Variants in GAL3ST2 observed in about 807,000 individuals in gnomAD.
GAL3ST2 encodes galactose-3-O-sulfotransferase 2, also known as beta-galactose-3-O-sulfotransferase 2.
Under a neutral mutation model 12.9 loss-of-function variants are expected in GAL3ST2, and 16 were observed. The ratio of observed to expected loss-of-function variants is 1.24; its 90% CI spans 0.84 to 1.88. GAL3ST2 has a LOEUF of 1.88. Ranked by LOEUF, GAL3ST2 falls within the 40% of genes most tolerant of loss-of-function variation. The pLI, the probability that GAL3ST2 is intolerant of heterozygous loss-of-function variation, is 0.00. For missense variants in GAL3ST2, 639 were observed against 571.8 expected (o/e 1.12, Z -1.20); for synonymous variants, 302 against 273.9 (o/e 1.10, Z -1.01).
rs1414114113 is a variant in GAL3ST2, at chr2:241,802,057, A to T, written c.375+21A>T. 1 of 1,589,636 alleles carries T rather than the reference A, an allele frequency of 6.3e-7. No homozygotes were observed. The highest frequency in any genetic ancestry group is 1.1e-5 in the South Asian group (1 of 88,594). On this transcript the variant is annotated intron_variant, in intron 3 of 3. Transcript: ENST00000192314. The surrounding 1 kb of genome is among the most constrained non-coding windows in gnomAD (Gnocchi z 4.8). The stretch of plus-strand genomic sequence containing the variant: ...CTCAGGTACCGCGGGCCTGCTGGGG[A>T]GGAGGGCGGGCTGCAGCCGTGCCTG...
intron 1 of GAL3ST2, among the ~76,000 whole-genome samples, chr2:241,796,702 G>A (rs1443389573): frequency 6.6e-6 from 1 of 152,232 alleles, no homozygotes. Context: ...CACAGAGCAG[G>A]GCCATCGGCT....
At position 241,802,969 on chromosome 2, in the gene GAL3ST2, G is replaced by A. The variant is rs541429462; in HGVS notation, c.376-376G>A. Among the ~76,000 whole-genome samples, 5 of 152,046 alleles carry A rather than the reference G, an allele frequency of 3.3e-5. No individual in the cohort carries two copies. Among genetic ancestry groups the A allele is most frequent in the African/African-American group, 1.2e-4 (5 of 41,488 alleles). On this transcript the variant is annotated intron_variant, in intron 3 of 3. Coordinates refer to ENST00000192314, the MANE Select transcript of GAL3ST2 (RefSeq NM_022134.3). The surrounding 1 kb of genome is among the most constrained non-coding windows in gnomAD (Gnocchi z 4.8). ...AAGCCCCCTGTGCCAGGGGCCCGTGGAGGGCCCTTCGTGCTGTCTGTGCGC... is the reference window on the plus strand; with the variant it reads ...AAGCCCCCTGTGCCAGGGGCCCGTGAAGGGCCCTTCGTGCTGTCTGTGCGC...
chr2:241,777,652 T>G (rs1699504338), intron 1 of GAL3ST2, among the ~76,000 whole-genome samples: 1 of 152,178 alleles, frequency 6.6e-6, no homozygotes, highest in South Asian at 2.1e-4. Flanking sequence ...CGCCATGAAT[T>G]CAGTTACCTT....
In GAL3ST2 at chr2:241,801,718, C is replaced by A. The variant is rs1436591724; in HGVS notation, c.120-63C>A. On this transcript the variant is annotated intron_variant, in intron 2 of 3. Coordinates refer to ENST00000192314, the MANE Select transcript of GAL3ST2 (RefSeq NM_022134.3). The surrounding 1 kb of genome is among the most constrained non-coding windows in gnomAD (Gnocchi z 4.4). ...CTTGCGGTTGCCGGGCTGGGGGTCG[C>A]TGTTGGGCGGGGGTTGGGGCATCTG... is the stretch of plus-strand genomic sequence containing the variant. The A allele has an allele frequency of 1.9e-6, 3 of 1,557,246 alleles. No homozygotes were observed. In the Admixed American group the frequency reaches 5.3e-5, roughly 27 times the overall value.
chr2:241,777,206 T>C (rs1350539884), intron 1 of GAL3ST2, among the ~76,000 whole-genome samples: 3 of 152,142 alleles, frequency 2.0e-5, no homozygotes, highest in African/African-American at 7.2e-5. Flanking sequence ...GTTTGGGGGT[T>C]CTGGGATGTG....
Position 241,803,902 on chromosome 2 carries a change from C to T in GAL3ST2, c.933C>T (p.Arg311=). The T allele has an allele frequency of 7.1e-7, 1 of 1,413,878 alleles. No individual in the cohort carries two copies. The highest frequency in any genetic ancestry group is 9.2e-7 in the Non-Finnish European group (1 of 1,091,756). The allele number at this position is 1,413,878 out of a possible 1,614,324, so 87.6% of individuals were successfully genotyped here. A position where few individuals can be genotyped will look rare whatever the true frequency, so the allele number is the denominator to read the frequency against. ...TGCGCGGGGAGGTGGAGCGGCTGCG[C>T]GCCCGGAGGCGCGAACTCGCGAGCC... ...RRLRGEVERL[R]ARRRELASLC... is the part of the protein sequence containing the mutation. The change falls in exon 4 of 4, where the codon CGC becomes CGT. Residue 311 remains arginine, a synonymous_variant. Transcript: ENST00000192314.
chr2:241,779,302 C>T (rs1421961910), intron 1 of GAL3ST2, among the ~76,000 whole-genome samples: 4 of 133,538 alleles, frequency 3.0e-5, no homozygotes, highest in African/African-American at 5.6e-5. Context: ...GGAGCGATCT[C>T]GGCTCACTGC....
intron 1 of GAL3ST2, among the ~76,000 whole-genome samples, chr2:241,788,502 G>T (rs189468180): frequency 5.2e-4 from 79 of 151,158 alleles, no homozygotes; most frequent in African/African-American, 1.4e-3. Context: ...ATCTCAGTTT[G>T]GTTTGTCTGT....
intron 1 of GAL3ST2, among the ~76,000 whole-genome samples, chr2:241,794,441 C>T (rs1170163415): frequency 6.6e-6 from 1 of 152,222 alleles, no homozygotes; most frequent in Non-Finnish European, 1.5e-5. Flanking sequence ...GCCTCCCAGG[C>T]CTCTCTTCTC....
At position 241,795,532 on chromosome 2, in the gene GAL3ST2, G is replaced by T. The variant is rs1001685220; in HGVS notation, c.30-3533G>T. On this transcript the variant is annotated intron_variant, in intron 1 of 3. Transcript: ENST00000192314. The surrounding 1 kb of genome is among the most constrained non-coding windows in gnomAD (Gnocchi z 4.5). ...TATGGCGGAACGAAGTGATGGCCAA[G>T]GGTGGTGGCTGAGAAACCCTGCTGG... Among the ~76,000 whole-genome samples the T allele has an allele frequency of 3.3e-5, 5 of 152,230 alleles. No individual in the cohort carries two copies. Among genetic ancestry groups the T allele is most frequent in the Non-Finnish European group, 5.9e-5 (4 of 68,052 alleles).
intron 1 of GAL3ST2, among the ~76,000 whole-genome samples, chr2:241,794,105 C>T (rs987848283): frequency 6.6e-6 from 1 of 151,986 alleles, no homozygotes; most frequent in Non-Finnish European, 1.5e-5. Context: ...AGCCATCACA[C>T]CTGGCTAATT....
At position 241,787,056 on chromosome 2, in the gene GAL3ST2, A is replaced by G. The variant is rs190609097; in HGVS notation, c.29+10072A>G. 4.2e-3 allele frequency among the ~76,000 whole-genome samples: 634 copies of G among 152,248 alleles called. 5 individuals are homozygous for G. Among genetic ancestry groups the G allele is most frequent in the African/African-American group, 0.015 (608 of 41,544 alleles). On this transcript the variant is annotated intron_variant, in intron 1 of 3. Coordinates refer to ENST00000192314, the MANE Select transcript of GAL3ST2 (RefSeq NM_022134.3). Reference sequence around the variant, plus strand: ...GTAATCAGAAACTCAAAAGAATGCAACTGTTTGTCTCTTATCTACCTATGA... The same window carrying G: ...GTAATCAGAAACTCAAAAGAATGCAGCTGTTTGTCTCTTATCTACCTATGA...
intron 3 of GAL3ST2, 73 bp from the exon 4 acceptor site, chr2:241,803,272 C>G: frequency 1.6e-6 from 2 of 1,268,162 alleles, no homozygotes; most frequent in African/African-American, 1.5e-5. Context: ...GGCCAGGGCG[C>G]GCCTCCTCCC....
intron 1 of GAL3ST2, among the ~76,000 whole-genome samples, chr2:241,779,926 C>T (rs1699546318): frequency 6.6e-6 from 1 of 151,168 alleles, no homozygotes. Flanking sequence ...GCGGAGGTTG[C>T]GGTGAGCCGA....
intron 1 of GAL3ST2, among the ~76,000 whole-genome samples, chr2:241,783,894 A>G (rs1273356539): frequency 6.6e-6 from 1 of 152,246 alleles, no homozygotes; most frequent in African/African-American, 2.4e-5. Flanking sequence ...TTTTGAAACA[A>G]AAATGATAAG....
At chr2:241,791,476 T>G (rs908672727) in intron 1 of GAL3ST2, among the ~76,000 whole-genome samples, 1 of 152,154 alleles carries the variant, frequency 6.6e-6, no homozygotes, top group African/African-American at 2.4e-5. Flanking sequence ...CTCATACCTT[T>G]GTCTACAGAG....
chr2:241,788,731 C>A (rs763072826), intron 1 of GAL3ST2, among the ~76,000 whole-genome samples: 21 of 152,128 alleles, frequency 1.4e-4, no homozygotes, highest in Admixed American at 1.4e-3. Flanking sequence ...AAAAATAGTT[C>A]ATCCAGGAAA....
chr2:241,803,237 A>AG (rs1484456749), intron 3 of GAL3ST2, 108 bp from the exon 4 acceptor site: 33 of 860,144 alleles, frequency 3.8e-5, no homozygotes, highest in Non-Finnish European at 5.8e-5. Context: ...AGATGTGAGG[A>AG]TGGGGGTGCT....
chr2:241,799,595 G>A (rs910650548), intron 2 of GAL3ST2, among the ~76,000 whole-genome samples: 10 of 152,216 alleles, frequency 6.6e-5, no homozygotes, highest in African/African-American at 2.4e-4. Context: ...TGGAGCCCCT[G>A]CTGCATGGAG....
Sources: allele counts gnomAD v4.1 joint callset (sites outside exome capture counted in the v4.1 genomes callset), GRCh38; gene constraint gnomAD v4.1.1; non-coding constraint Gnocchi (gnomAD v3.1); transcripts MANE v1.5; gene names NCBI Gene and HGNC (gene_info 2026-07-23, HGNC 2026-07-21).